The following CSMD3 variants were observed in gnomAD, a reference collection of about 807,000 sequenced individuals.
CSMD3 encodes the protein CUB and Sushi multiple domains 3.
A neutral mutation model predicts 435.2 loss-of-function variants in CSMD3; 177 were observed. The observed-to-expected ratio is 0.41, with a 90% confidence interval of 0.36 to 0.46. The LOEUF (loss-of-function observed/expected upper bound fraction) is 0.46, where lower values mean the gene tolerates loss of function less well. Among genes scored for constraint, CSMD3 ranks in the 20% least tolerant of loss-of-function variants. CSMD3 has a pLI of 0.34. For synonymous variants in CSMD3, 1,656 were observed against 1,520.5 expected (o/e 1.09, Z -2.07); for missense variants, 4,265 against 4,504.6 (o/e 0.95, Z 1.52).
intron 2 of CSMD3, chr8:113,310,406 A>G (rs1316667420): frequency 1.3e-5 from 2 of 151,988 alleles, no homozygotes; most frequent in Non-Finnish European, 2.9e-5. Flanking sequence ...TTGTGCAGAA[A>G]AAACAGCTAA....
chr8:112,659,612 T>C (rs1368308829), intron 17 of CSMD3, among the ~76,000 whole-genome samples: 1 of 152,144 alleles, frequency 6.6e-6, no homozygotes, highest in Non-Finnish European at 1.5e-5. Flanking sequence ...GAATGATGGA[T>C]AGTAAAATGA....
intron 45 of CSMD3, among the ~76,000 whole-genome samples, chr8:112,333,623 A>G (rs1824281008): frequency 6.6e-6 from 1 of 152,008 alleles, no homozygotes; most frequent in Admixed American, 6.6e-5. Context: ...GTTTATGTAT[A>G]TCTATTATCC....
At chr8:112,702,096 T>C (rs1288483836) in intron 13 of CSMD3, among the ~76,000 whole-genome samples, 4 of 152,188 alleles carry the variant, frequency 2.6e-5, no homozygotes, top group Admixed American at 2.6e-4. Context: ...TTTTTTACTT[T>C]GTATCCCAAG....
chr8:112,912,968 T>C (rs1380235353), intron 10 of CSMD3, among the ~76,000 whole-genome samples: 1 of 152,046 alleles, frequency 6.6e-6, no homozygotes, highest in Non-Finnish European at 1.5e-5. Flanking sequence ...AAAATGTTCA[T>C]ACTCCATTTT....
Position 112,645,185 on chromosome 8 carries a change from G to A in CSMD3, c.3234C>T (p.Ile1078=), listed in dbSNP as rs775758162. The change falls in exon 20 of 71, where the codon ATC becomes ATT. Residue 1078 remains isoleucine (I), a synonymous_variant. Coordinates refer to ENST00000297405, the MANE Select transcript of CSMD3 (RefSeq NM_198123.2). ...GGDVRGPSGT[I]LSPGYPEFYP... is the part of the protein sequence containing the mutation. ...AAAATTCCGGGTAACCAGGTGATAA[G>A]ATTGTTCCACTAGGCCCTCTAACAT... 1.9e-6 allele frequency: 3 copies of A among 1,607,206 alleles called. No individual in the cohort carries two copies. The South Asian group carries it at 3.3e-5, about 18-fold the overall frequency.
chr8:112,837,739 A>G (rs1404589953), intron 11 of CSMD3, among the ~76,000 whole-genome samples: 1 of 150,930 alleles, frequency 6.6e-6, no homozygotes, highest in Non-Finnish European at 1.5e-5. Flanking sequence ...CCCAAACTCT[A>G]TGTTGCTAAA....
intron 3 of CSMD3, among the ~76,000 whole-genome samples, chr8:113,188,644 A>C (rs1361382609): frequency 6.6e-6 from 1 of 151,964 alleles, no homozygotes; most frequent in African/African-American, 2.4e-5. Context: ...AGAAAATTAA[A>C]AACAAGTAGA....
At position 112,223,228 on chromosome 8, in the gene CSMD3, A is replaced by G. The variant is rs2129731278; in HGVS notation, c.*1543T>C. On this transcript the variant is annotated 3_prime_UTR_variant, in exon 71 of 71. Transcript: ENST00000297405. ...TAGAGTACCATGTTGAGAAAATTGT[A>G]TGAATTTCCAAAACAATGTATCTCA... The G allele has an allele frequency of 2.6e-6, 1 of 390,554 alleles. No individual in the cohort carries two copies. The highest frequency in any genetic ancestry group is 4.5e-6 in the Non-Finnish European group (1 of 220,668). 24.2% of individuals were successfully genotyped at this position (390,554 alleles called of 1,614,324 possible).
At chr8:113,207,764 A>AT (rs777875204) in intron 3 of CSMD3, among the ~76,000 whole-genome samples, 19 of 152,290 alleles carry the variant, frequency 1.2e-4, no homozygotes, top group Non-Finnish European at 2.5e-4. Flanking sequence ...TATATACTTG[A>AT]TATTTACTGA....
rs2087110830 is a variant in CSMD3, at chr8:113,031,552, A to G, written c.918-12373T>C. ...GAAATAGCTGTTCCTCTAAAAGGAT[A>G]GCTGAAGGGATTCTTGTGATGGAAT... On this transcript the variant is annotated intron_variant, in intron 5 of 70. Coordinates refer to ENST00000297405, the MANE Select transcript of CSMD3 (RefSeq NM_198123.2). 2.6e-5 allele frequency among the ~76,000 whole-genome samples: 4 copies of G among 151,700 alleles called. No individual in the cohort carries two copies. The South Asian group carries it at 8.4e-4, about 32-fold the overall frequency.
intron 10 of CSMD3, among the ~76,000 whole-genome samples, chr8:112,899,635 A>C (rs2082051795): frequency 8.6e-6 from 1 of 115,676 alleles, no homozygotes; most frequent in Non-Finnish European, 1.8e-5. Flanking sequence ...ATATATATGT[A>C]TATACATATA....
chr8:113,284,013 A>C (rs188121796), intron 2 of CSMD3, among the ~76,000 whole-genome samples: 58 of 152,270 alleles, frequency 3.8e-4, no homozygotes, highest in South Asian at 1.0e-3. Flanking sequence ...ATGTAGTCTC[A>C]CTAATATGTG....
chr8:112,327,014 C>T (rs925855173), intron 45 of CSMD3, among the ~76,000 whole-genome samples: 1 of 151,814 alleles, frequency 6.6e-6, no homozygotes, highest in Admixed American at 6.6e-5. Flanking sequence ...AGAGTGAGAC[C>T]CTGTCTCAAA....
chr8:113,036,626 C>T (rs1040367691), intron 5 of CSMD3, among the ~76,000 whole-genome samples: 1 of 152,164 alleles, frequency 6.6e-6, no homozygotes, highest in African/African-American at 2.4e-5. Flanking sequence ...TTCAATCCCA[C>T]TGTACTGCCC....
chr8:113,161,116 A>G (rs2092030655), intron 4 of CSMD3, among the ~76,000 whole-genome samples: 2 of 152,124 alleles, frequency 1.3e-5, no homozygotes, highest in African/African-American at 4.8e-5. Context: ...ATTTTAGTCT[A>G]TTCTCTGAGC....
chr8:112,959,324 A>G (rs2084145111), intron 7 of CSMD3, among the ~76,000 whole-genome samples: 2 of 152,014 alleles, frequency 1.3e-5, no homozygotes, highest in African/African-American at 4.8e-5. Flanking sequence ...ATTCTAAGAC[A>G]ATAATGAAGG....
chr8:112,913,126 C>G (rs555038344), intron 10 of CSMD3, among the ~76,000 whole-genome samples: 1 of 151,914 alleles, frequency 6.6e-6, no homozygotes, highest in African/African-American at 2.4e-5. Context: ...TCTGTGGACG[C>G]CTTCCTTAAC....
intron 1 of CSMD3, among the ~76,000 whole-genome samples, chr8:113,384,526 C>G (rs939991024): frequency 1.2e-4 from 19 of 152,200 alleles, no homozygotes; most frequent in African/African-American, 4.6e-4. Flanking sequence ...ATCTCTAGAG[C>G]TGGAGAAACA....
chr8:113,000,522 C>A (rs1373047804), intron 6 of CSMD3, among the ~76,000 whole-genome samples: 1 of 151,830 alleles, frequency 6.6e-6, no homozygotes, highest in Non-Finnish European at 1.5e-5. Context: ...GTTAATTAGC[C>A]CGATTTAGTC....
Sources: gnomAD v4.1 joint callset for allele counts (sites outside exome capture counted in the v4.1 genomes callset) on GRCh38, gnomAD v4.1.1 for gene constraint, MANE v1.5 for transcripts, NCBI Gene and HGNC (gene_info 2026-07-23, HGNC 2026-07-21) for gene names.